TTLL5: variants seen among roughly 807,000 people sequenced by gnomAD.
TTLL5 encodes tubulin tyrosine ligase like 5, also known as tubulin polyglutamylase TTLL5.
TTLL5 carries 132 observed loss-of-function variants against 168.4 expected under a neutral mutation model. The observed-to-expected ratio is 0.78, with a 90% CI of 0.68 to 0.91. The LOEUF (loss-of-function observed/expected upper bound fraction) is 0.91, where lower values mean the gene tolerates loss of function less well. Ranked by LOEUF, TTLL5 falls within the 40% of genes least tolerant of loss-of-function variation. TTLL5 has a pLI of 0.00. For synonymous variants in TTLL5, 546 were observed against 558.6 expected (o/e 0.98, Z 0.32); for missense variants, 1,545 against 1,581.5 (o/e 0.98, Z 0.39).
chr14:75,856,997 T>C (rs2139915601), intron 28 of TTLL5, among the ~76,000 whole-genome samples: 1 of 152,342 alleles, frequency 6.6e-6, no homozygotes, highest in East Asian at 1.9e-4. Context: ...TTTCATTTTG[T>C]TTATGGACCA....
rs199507575 is a variant in TTLL5, at chr14:75,783,429, G to T, written c.2885G>T (p.Arg962Leu). The T allele has an allele frequency of 4.6e-5, 74 of 1,614,038 alleles. No individual in the cohort carries two copies. The highest frequency in any genetic ancestry group is 3.3e-4 in the Middle Eastern group (2 of 6,084). ...QNIPSPTGLP[R>L]CRSGSHTIGP... ...ATCCCAAGCCCTACTGGCCTGCCACGCTGTCGATCAGGAAGTCACACCATT... is the reference window on the plus strand; with the variant it reads ...ATCCCAAGCCCTACTGGCCTGCCACTCTGTCGATCAGGAAGTCACACCATT... Residue 962 changes from arginine to leucine, a missense_variant, in exon 26 of 32, where the codon CGC (arginine) becomes CTC (leucine). Transcript: ENST00000298832.
At chr14:75,677,570 T>C (rs1300319159) in intron 3 of TTLL5, among the ~76,000 whole-genome samples, 2 of 151,344 alleles carry the variant, frequency 1.3e-5, no homozygotes. Flanking sequence ...CTAAATTTTG[T>C]ATTTTTAGTA....
intron 26 of TTLL5, among the ~76,000 whole-genome samples, chr14:75,791,817 C>T (rs150802745): frequency 9.9e-4 from 151 of 152,214 alleles, no homozygotes; most frequent in Non-Finnish European, 2.0e-3. Context: ...TTTAAAAAGA[C>T]AGGAAATAGG....
intron 28 of TTLL5, among the ~76,000 whole-genome samples, chr14:75,851,578 C>G (rs901549753): frequency 1.3e-5 from 2 of 152,202 alleles, no homozygotes; most frequent in African/African-American, 4.8e-5. Flanking sequence ...AGGAGCCACT[C>G]TGCCCAGAAT....
chr14:75,767,362 G>A (rs564690582), intron 20 of TTLL5, among the ~76,000 whole-genome samples: 14 of 152,162 alleles, frequency 9.2e-5, no homozygotes, highest in African/African-American at 1.4e-4. Context: ...ATTTCAGGTC[G>A]TGAGAAATGC....
At chr14:75,819,641 G>A (rs1025840674) in intron 27 of TTLL5, among the ~76,000 whole-genome samples, 6 of 152,134 alleles carry the variant, frequency 3.9e-5, no homozygotes, top group African/African-American at 1.2e-4. Context: ...TGAGCATTTA[G>A]AACATTCAGA....
chr14:75,899,269 G>A (rs1052337234), intron 30 of TTLL5, among the ~76,000 whole-genome samples: 8 of 152,126 alleles, frequency 5.3e-5, no homozygotes, highest in Non-Finnish European at 1.0e-4. Flanking sequence ...ACCTCCCAAC[G>A]TAAATATTTC....
intron 12 of TTLL5, among the ~76,000 whole-genome samples, chr14:75,731,478 G>GT (rs5809724): frequency 0.013 from 1,925 of 151,468 alleles, 52 homozygotes; most frequent in African/African-American, 0.042. Flanking sequence ...AATAAGAAGG[G>GT]TTTCAAAGTT....
At chr14:75,729,796 T>C (rs1888416379) in intron 12 of TTLL5, among the ~76,000 whole-genome samples, 1 of 152,198 alleles carries the variant, frequency 6.6e-6, no homozygotes, top group South Asian at 2.1e-4. Context: ...TGAAAATTAA[T>C]TTAGCTTTGT....
intron 2 of TTLL5, among the ~76,000 whole-genome samples, chr14:75,667,783 A>C (rs1008303328): frequency 2.8e-5 from 3 of 106,002 alleles, no homozygotes; most frequent in African/African-American, 3.8e-5. Context: ...TTTTATTGAG[A>C]CGGAGTCTTG....
chr14:75,853,372 G>C (rs1896973360), intron 28 of TTLL5, among the ~76,000 whole-genome samples: 3 of 152,144 alleles, frequency 2.0e-5, no homozygotes, highest in Non-Finnish European at 4.4e-5. Flanking sequence ...CCAGAGTCCT[G>C]CTATTCCTGA....
chr14:75,925,479 C>T (rs1445801341), intron 31 of TTLL5, among the ~76,000 whole-genome samples: 1 of 149,248 alleles, frequency 6.7e-6, no homozygotes, highest in Non-Finnish European at 1.5e-5. Context: ...GCGCTCCCCA[C>T]ATCTCAGGCG....
intron 27 of TTLL5, among the ~76,000 whole-genome samples, chr14:75,812,636 T>C (rs117273113): frequency 6.6e-6 from 1 of 152,324 alleles, no homozygotes; most frequent in East Asian, 1.9e-4. Flanking sequence ...CATTCCCCTT[T>C]GTTGTTTTGT....
Position 75,766,331 on chromosome 14 carries a change from A to C in TTLL5, c.1978A>C (p.Asn660His). The C allele has an allele frequency of 6.2e-7, 1 of 1,613,328 alleles. No individual in the cohort carries two copies. The highest frequency in any genetic ancestry group is 8.5e-7 in the Non-Finnish European group (1 of 1,179,782). ...GACTCAGGAGCTAGAGCCTAAATTT[A>C]ACCTGATGCAGATTCTTCAAGATAA... The part of the protein sequence containing the change: ...LETQELEPKF[N>H]LMQILQDNGN... The change falls in exon 20 of 32, where the codon AAC becomes CAC. Residue 660 changes from asparagine (N) to histidine (H), a missense_variant. Asn to His is a moderately conservative substitution (Grantham distance 68). Coordinates refer to ENST00000298832, the MANE Select transcript of TTLL5 (RefSeq NM_015072.5).
intron 31 of TTLL5, among the ~76,000 whole-genome samples, chr14:75,941,130 T>C (rs1020795811): frequency 2.6e-5 from 4 of 152,258 alleles, no homozygotes; most frequent in African/African-American, 7.2e-5. Context: ...GTGGTGCTGC[T>C]GTAGTCAGCG....
intron 12 of TTLL5, among the ~76,000 whole-genome samples, chr14:75,728,422 T>G (rs1435994998): frequency 2.7e-5 from 4 of 150,648 alleles, no homozygotes; most frequent in Non-Finnish European, 5.9e-5. Context: ...GAAAGAGAGA[T>G]AGAGATTTGG....
intron 26 of TTLL5, among the ~76,000 whole-genome samples, chr14:75,787,595 T>G (rs1892445685): frequency 6.6e-6 from 1 of 152,204 alleles, no homozygotes; most frequent in Non-Finnish European, 1.5e-5. Context: ...ATTAATACAC[T>G]AAACAGATTT....
chr14:75,818,597 C>G (rs1266251988), intron 27 of TTLL5: 1 of 256,544 alleles, frequency 3.9e-6, no homozygotes, highest in African/African-American at 2.4e-5. Flanking sequence ...AAGCAATTCT[C>G]TTGCCTCAGC....
intron 3 of TTLL5, among the ~76,000 whole-genome samples, chr14:75,677,491 G>T (rs779301660): frequency 1.3e-5 from 2 of 149,504 alleles, no homozygotes; most frequent in Non-Finnish European, 3.0e-5. Context: ...AGCCTTTCAA[G>T]GCTCAGGTGA....
Sources: gnomAD v4.1 joint callset for allele counts (sites outside exome capture counted in the v4.1 genomes callset) on GRCh38, gnomAD v4.1.1 for gene constraint, MANE v1.5 for transcripts, NCBI Gene and HGNC (gene_info 2026-07-23, HGNC 2026-07-21) for gene names.